NAT2: variants seen among roughly 807,000 people sequenced by gnomAD.
NAT2 encodes the protein N-acetyltransferase 2, also known as arylamine N-acetyltransferase 2.
For missense variants in NAT2, 428 were observed against 339.1 expected (o/e 1.26, Z -2.06); for synonymous variants, 137 against 125.9 (o/e 1.09, Z -0.59).
intron 1 of NAT2, among the ~76,000 whole-genome samples, chr8:18,392,696 A>C (rs1800610463): frequency 6.6e-6 from 1 of 152,190 alleles, no homozygotes; most frequent in Non-Finnish European, 1.5e-5. Context: ...AATATTAACC[A>C]CCACACTTGG....
chr8:18,399,982 TG>T lies in NAT2; in HGVS notation c.-6-15del, dbSNP rs767443003. ...TAAAGTATGATATGTTTTTATGTTTTGTTTTTCTTGCTTAGGGGATCATGGA... is the reference window on the plus strand; with the variant it reads ...TAAAGTATGATATGTTTTTATGTTTTTTTTTCTTGCTTAGGGGATCATGGA... On this transcript the variant is annotated splice_polypyrimidine_tract_variant and intron_variant, in intron 1 of 1. Coordinates refer to ENST00000286479, the MANE Select transcript of NAT2 (RefSeq NM_000015.3). 6.5e-7 allele frequency: 1 copy of T among 1,539,850 alleles called. No homozygotes were observed. The highest frequency in any genetic ancestry group is 8.7e-7 in the Non-Finnish European group (1 of 1,144,054).
upstream of NAT2, chr8:18,387,037 G>C (rs960292547): frequency 2.0e-5 from 3 of 152,344 alleles, no homozygotes; most frequent in East Asian, 3.9e-4. Flanking sequence ...GCAGCCCCAG[G>C]TGGGAAAGGC....
chr8:18,399,869 T>C, intron 1 of NAT2, 129 bp from the exon 2 acceptor site: 1 of 1,063,060 alleles, frequency 9.4e-7, no homozygotes, highest in South Asian at 2.0e-5. Context: ...AACAAAAGAA[T>C]TACTATGACA....
At chr8:18,391,762 T>G (rs1189696952) in intron 1 of NAT2, among the ~76,000 whole-genome samples, 5 of 152,244 alleles carry the variant, frequency 3.3e-5, no homozygotes, top group Admixed American at 3.3e-4. Flanking sequence ...TGGGGAAATT[T>G]GCTGGTTTCT....
intron 1 of NAT2, among the ~76,000 whole-genome samples, chr8:18,395,951 C>CTTTTT (rs33992151): frequency 7.4e-6 from 1 of 134,516 alleles, no homozygotes; most frequent in Non-Finnish European, 1.6e-5. Flanking sequence ...CCCAACCCAT[C>CTTTTT]TTTTTTTTTT....
upstream of NAT2, among the ~76,000 whole-genome samples, chr8:18,391,006 A>G (rs1220120733): frequency 1.3e-5 from 2 of 152,152 alleles, no homozygotes; most frequent in Non-Finnish European, 2.9e-5. Context: ...TCTATATCAC[A>G]CATGGGAAGT....
chr8:18,400,642 A>G lies in NAT2; in HGVS notation c.639A>G (p.Pro213=). Residue 213 remains proline, a synonymous_variant, in exon 2 of 2, where the codon CCA becomes CCG. Transcript: ENST00000286479. The part of the protein sequence containing the change: ...ESMNTYLQTS[P]TSSFITTSFC... ...TGAATACATACCTGCAGACGTCTCC[A>G]ACATCTTCATTTATAACCACATCAT... 6.2e-7 allele frequency: 1 copy of G among 1,614,032 alleles called. No homozygotes were observed. Among genetic ancestry groups the G allele is most frequent in the Non-Finnish European group, 8.5e-7 (1 of 1,179,980 alleles).
chr8:18,390,583 A>G (rs1800576778), upstream of NAT2, among the ~76,000 whole-genome samples: 1 of 152,090 alleles, frequency 6.6e-6, no homozygotes. Flanking sequence ...ATTATATACA[A>G]TGTTTATATT....
At chr8:18,386,333 G>T (rs149201238), upstream of NAT2, among the ~76,000 whole-genome samples, 673 of 152,326 alleles carry the variant, frequency 4.4e-3, 2 homozygotes, top group African/African-American at 0.015. Context: ...CACAACTGGA[G>T]CCAGCAACTG....
chr8:18,400,519 C>T lies in NAT2; in HGVS notation c.516C>T (p.Asn172=), dbSNP rs1800772381. The T allele has an allele frequency of 2.5e-6, 4 of 1,613,148 alleles. No homozygotes were observed. Among genetic ancestry groups the T allele is most frequent in the Middle Eastern group, 1.7e-4 (1 of 6,046 alleles). ...TCAGGAGAGAGCAGTATATTACAAA[C>T]AAAGAATTTCTTAATTCTCATCTCC... is the stretch of plus-strand genomic sequence containing the variant. ...DQIRREQYIT[N]KEFLNSHLLP... is the part of the protein sequence containing the mutation. Residue 172 remains asparagine, a synonymous_variant, in exon 2 of 2, where the codon AAC becomes AAT. Transcript: ENST00000286479.
chr8:18,394,681 A>T (rs894036478), intron 1 of NAT2, among the ~76,000 whole-genome samples: 38 of 152,172 alleles, frequency 2.5e-4, no homozygotes, highest in African/African-American at 9.2e-4. Context: ...AGGAACCTGT[A>T]AAGGAACTGC....
At chr8:18,398,325 AC>A in intron 1 of NAT2, among the ~76,000 whole-genome samples, 1 of 152,334 alleles carries the variant, frequency 6.6e-6, no homozygotes, top group South Asian at 2.1e-4. Context: ...CTACAATCCA[AC>A]AAGGTAAGTT....
chr8:18,395,493 G>T (rs556836397), intron 1 of NAT2, among the ~76,000 whole-genome samples: 1 of 152,010 alleles, frequency 6.6e-6, no homozygotes, highest in East Asian at 1.9e-4. Context: ...AACAAATAAA[G>T]TTGAACACCA....
chr8:18,394,546 T>C (rs184925177), intron 1 of NAT2, among the ~76,000 whole-genome samples: 70 of 152,318 alleles, frequency 4.6e-4, no homozygotes, highest in Non-Finnish European at 1.5e-5. Context: ...CAAGGATTTA[T>C]CTGTTTCTAC....
At chr8:18,392,147 G>A (rs1299645442) in intron 1 of NAT2, among the ~76,000 whole-genome samples, 1 of 152,212 alleles carries the variant, frequency 6.6e-6, no homozygotes, top group Admixed American at 6.5e-5. Flanking sequence ...ATTAATAGGG[G>A]AAAGGGAGTA....
chr8:18,395,030 G>A (rs1339189185), intron 1 of NAT2, among the ~76,000 whole-genome samples: 1 of 152,042 alleles, frequency 6.6e-6, no homozygotes, highest in African/African-American at 2.4e-5. Flanking sequence ...AAACAAAAGT[G>A]GCAATGTTTC....
chr8:18,394,514 T>G (rs1187721914), intron 1 of NAT2, among the ~76,000 whole-genome samples: 1 of 152,210 alleles, frequency 6.6e-6, no homozygotes, highest in Non-Finnish European at 1.5e-5. Context: ...ATTAGACCTC[T>G]TAAAAGCATC....
At chr8:18,397,599 G>A (rs557805415) in intron 1 of NAT2, among the ~76,000 whole-genome samples, 15 of 152,142 alleles carry the variant, frequency 9.9e-5, no homozygotes, top group East Asian at 1.9e-4. Context: ...ATTTATAGTC[G>A]TCTTTCTGGA....
intron 1 of NAT2, among the ~76,000 whole-genome samples, chr8:18,396,783 A>G (rs1415105237): frequency 6.6e-6 from 1 of 152,236 alleles, no homozygotes; most frequent in Non-Finnish European, 1.5e-5. Context: ...TACGTTTAAC[A>G]TTAAGGTTTA....
Sources: gnomAD v4.1 joint callset for allele counts (sites outside exome capture counted in the v4.1 genomes callset) on GRCh38, gnomAD v4.1.1 for gene constraint, MANE v1.5 for transcripts, NCBI Gene and HGNC (gene_info 2026-07-23, HGNC 2026-07-21) for gene names.